Variants in IDNK observed in about 807,000 individuals in gnomAD.
IDNK encodes the protein gluconokinase.
A neutral mutation model predicts 13.0 loss-of-function variants in IDNK; 9 were observed. The ratio of observed to expected loss-of-function variants is 0.69; its 90% CI spans 0.42 to 1.21. The LOEUF is 1.21. Ranked by LOEUF, IDNK falls within the 50% of genes most tolerant of loss-of-function variation. IDNK has a pLI of 0.00. For synonymous variants in IDNK, 92 were observed against 94.9 expected (o/e 0.97, Z 0.18); for missense variants, 210 against 237.8 (o/e 0.88, Z 0.77).
chr9:83,642,957 TG>T (rs1235140436), intron 4 of IDNK, among the ~76,000 whole-genome samples: 3 of 152,158 alleles, frequency 2.0e-5, no homozygotes, highest in Admixed American at 6.5e-5. Flanking sequence ...AGAGTAGGAA[TG>T]GGGAGAATCC....
chr9:83,643,692 C>G lies in IDNK; in HGVS notation c.476C>G (p.Ala159Gly). The G allele has an allele frequency of 6.2e-7, 1 of 1,613,778 alleles. No individual in the cohort carries two copies. The highest frequency in any genetic ancestry group is 1.3e-5 in the African/African-American group (1 of 74,932). ...CAGTTTGAGACTCTGGAGCCCCCAG[C>G]AGCTCCAGAAAACTTTATCCAAATA... ...QSQFETLEPPAAPENFIQISV... is the reference protein window; with the variant it reads ...QSQFETLEPPGAPENFIQISV... Residue 159 changes from alanine (A) to glycine (G), a missense_variant, in exon 5 of 5, where the codon GCA (alanine) becomes GGA (glycine). Transcript: ENST00000376419.
intron 3 of IDNK, among the ~76,000 whole-genome samples, chr9:83,631,024 T>G (rs1373832086): frequency 6.6e-6 from 1 of 152,130 alleles, no homozygotes; most frequent in African/African-American, 2.4e-5. Context: ...CGACAGATGA[T>G]TTTCATTCTT....
rs146315406 is a variant in IDNK at position 83,631,603 on chromosome 9, C to A, written c.168+2644C>A. ...CTCTAGCCTGGGGGACAGAGTGAGA[C>A]CCTGTCTGAAAAAAATATATACAAA... On this transcript the variant is annotated intron_variant, in intron 3 of 4. Coordinates refer to ENST00000376419, the MANE Select transcript of IDNK (RefSeq NM_001001551.4). 6.3e-3 allele frequency among the ~76,000 whole-genome samples: 955 copies of A among 151,920 alleles called. 11 individuals are homozygous for A. The highest frequency in any genetic ancestry group is 0.022 in the African/African-American group (908 of 41,398).
intron 3 of IDNK, among the ~76,000 whole-genome samples, chr9:83,632,459 C>G (rs1286748810): frequency 1.4e-5 from 2 of 147,902 alleles, no homozygotes; most frequent in African/African-American, 5.0e-5. Flanking sequence ...CTATCTAGAG[C>G]AGGGGTGTCC....
At chr9:83,642,918 T>A (rs995051024) in intron 4 of IDNK, among the ~76,000 whole-genome samples, 1 of 152,082 alleles carries the variant, frequency 6.6e-6, no homozygotes, top group Non-Finnish European at 1.5e-5. Flanking sequence ...CAGCTCTGCA[T>A]TGCACCTGGC....
At position 83,643,430 on chromosome 9, in the gene IDNK, G is replaced by T; in HGVS notation, c.214G>T (p.Asp72Tyr). The T allele has an allele frequency of 6.3e-7, 1 of 1,590,084 alleles. No individual in the cohort carries two copies. Among genetic ancestry groups the T allele is most frequent in the Non-Finnish European group, 8.6e-7 (1 of 1,166,630 alleles). ...TTTTTTTTTTCTTTTTCTAAACAGA[G>T]ATGTAGCCTCGGGACAGCGTGTGGT... ...LCNLHDILLR[D>Y]VASGQRVVLA... is the part of the protein sequence containing the mutation. The change falls in exon 5 of 5, where the codon GAT (aspartate) becomes TAT (tyrosine). Residue 72 changes from aspartate (D) to tyrosine (Y), a missense_variant and splice_region_variant. By Grantham distance (160) the Asp-to-Tyr change is radical. Coordinates refer to ENST00000376419, the MANE Select transcript of IDNK (RefSeq NM_001001551.4).
chr9:83,629,787 G>A (rs992301341), intron 3 of IDNK, among the ~76,000 whole-genome samples: 4 of 152,344 alleles, frequency 2.6e-5, no homozygotes, highest in Admixed American at 2.6e-4. Flanking sequence ...AAAGGGCAGG[G>A]ACTGTGGCTG....
intron 1 of IDNK, chr9:83,626,826 C>A: frequency 1.8e-6 from 2 of 1,116,030 alleles, no homozygotes; most frequent in South Asian, 3.8e-5. Context: ...CCTGCGCAGC[C>A]TTCAATAGAA....
intron 3 of IDNK, among the ~76,000 whole-genome samples, chr9:83,631,840 A>G (rs1209068025): frequency 6.6e-6 from 1 of 152,188 alleles, no homozygotes; most frequent in African/African-American, 2.4e-5. Context: ...TTAATAATAA[A>G]GAATTTCAAA....
chr9:83,623,125 G>C (rs1830743567), upstream of IDNK: 2 of 1,400,224 alleles, frequency 1.4e-6, no homozygotes, highest in Non-Finnish European at 1.8e-6. Flanking sequence ...GGGTAGGCCG[G>C]GGCCGGCGGG....
intron 1 of IDNK, among the ~76,000 whole-genome samples, chr9:83,624,327 T>A (rs939976525): frequency 6.6e-6 from 1 of 152,162 alleles, no homozygotes; most frequent in African/African-American, 2.4e-5. Flanking sequence ...GAGTCTTGAA[T>A]CAGATGAGGG....
intron 3 of IDNK, among the ~76,000 whole-genome samples, chr9:83,638,674 G>A (rs1193542518): frequency 6.6e-6 from 1 of 152,072 alleles, no homozygotes; most frequent in African/African-American, 2.4e-5. Flanking sequence ...TTTTCTAAAG[G>A]ATTGACTAAT....
chr9:83,642,738 G>A (rs893714070), intron 4 of IDNK, among the ~76,000 whole-genome samples: 3 of 152,184 alleles, frequency 2.0e-5, no homozygotes, highest in African/African-American at 4.8e-5. Flanking sequence ...AGTGGAAGCT[G>A]TGGCTCACTC....
In IDNK at chr9:83,628,158, G is replaced by A. The variant is rs944970722; in HGVS notation, c.51-23G>A. ...CACACATTGGGCAGGGCAGTAACGG[G>A]AACATCTGTGTCCTCTCCACAGATC... is the stretch of plus-strand genomic sequence containing the variant. On this transcript the variant is annotated intron_variant, in intron 1 of 4. Coordinates refer to ENST00000376419, the MANE Select transcript of IDNK (RefSeq NM_001001551.4). The A allele has an allele frequency of 9.0e-6, 14 of 1,550,368 alleles. No homozygotes were observed. The African/African-American group carries it at 1.8e-4, about 20-fold the overall frequency.
intron 3 of IDNK, among the ~76,000 whole-genome samples, chr9:83,639,137 C>T (rs906596890): frequency 6.6e-6 from 1 of 152,036 alleles, no homozygotes; most frequent in African/African-American, 2.4e-5. Flanking sequence ...TAAAAATGCA[C>T]ACACATCACC....
chr9:83,638,976 G>A (rs951226201), intron 3 of IDNK, among the ~76,000 whole-genome samples: 3 of 152,062 alleles, frequency 2.0e-5, no homozygotes, highest in African/African-American at 7.2e-5. Context: ...CCTGACATAG[G>A]CATTAATGAA....
intron 3 of IDNK, among the ~76,000 whole-genome samples, chr9:83,633,726 G>A (rs1469288733): frequency 2.0e-5 from 3 of 152,174 alleles, no homozygotes; most frequent in Non-Finnish European, 4.4e-5. Flanking sequence ...CTTTACAAAT[G>A]AACAAAGAGA....
intron 3 of IDNK, among the ~76,000 whole-genome samples, chr9:83,639,590 G>A (rs915200974): frequency 6.6e-6 from 1 of 152,180 alleles, no homozygotes; most frequent in African/African-American, 2.4e-5. Flanking sequence ...ATAATGAAAA[G>A]AGGGAGGTGG....
rs752829789 is a variant in IDNK at position 83,628,921 on chromosome 9, C to A, written c.130C>A (p.Arg44=). Residue 44 remains arginine, a synonymous_variant, in exon 3 of 5, where the codon CGA becomes AGA. Transcript: ENST00000376419. ...TGATGATTATCACCCGGAGGAAAAT[C>A]GAAGGAAGATGGGAAAAGGCATACC... is the stretch of plus-strand genomic sequence containing the variant. ...DADDYHPEEN[R]RKMGKGIPLN... The A allele has an allele frequency of 6.8e-6, 11 of 1,613,918 alleles. No individual in the cohort carries two copies. Among genetic ancestry groups the A allele is most frequent in the African/African-American group, 2.7e-5 (2 of 74,902 alleles).
Sources: gnomAD v4.1 joint callset for allele counts (sites outside exome capture counted in the v4.1 genomes callset) on GRCh38, gnomAD v4.1.1 for gene constraint, MANE v1.5 for transcripts, NCBI Gene and HGNC (gene_info 2026-07-23, HGNC 2026-07-21) for gene names.